MECOM: variants seen among roughly 807,000 people sequenced by gnomAD.
MECOM encodes MDS1 and EVI1 complex locus.
A neutral mutation model predicts 116.3 loss-of-function variants in MECOM; 13 were observed. That is an observed-to-expected ratio of 0.11 (90% CI 0.07 to 0.18). The LOEUF (loss-of-function observed/expected upper bound fraction) is 0.18. Ranked by LOEUF, MECOM falls within the 10% of genes least tolerant of loss-of-function variation. The pLI is 1.00. For synonymous variants in MECOM, 528 were observed against 535.2 expected, an observed-to-expected ratio of 0.99 and a Z score of 0.19; for missense variants, 1,299 against 1,509.0, an observed-to-expected ratio of 0.86 and a Z score of 2.31.
At chr3:169,496,721 G>A (rs1011075314) in intron 1 of MECOM, among the ~76,000 whole-genome samples, 17 of 152,144 alleles carry the variant, frequency 1.1e-4, no homozygotes, top group Non-Finnish European at 2.2e-4. Context: ...GCATTTCCAC[G>A]TCTTAGTTCA....
chr3:169,483,679 C>T (rs1366027106), intron 1 of MECOM: 12 of 1,553,848 alleles, frequency 7.7e-6, no homozygotes, highest in Non-Finnish European at 1.1e-5. Flanking sequence ...ATTTAATCCT[C>T]GTCTTCCTCC....
intron 1 of MECOM, among the ~76,000 whole-genome samples, chr3:169,441,142 C>T (rs1743591855): frequency 6.6e-6 from 1 of 152,144 alleles, no homozygotes; most frequent in Non-Finnish European, 1.5e-5. Flanking sequence ...CCCAAGCTGG[C>T]TGATGTGACA....
chr3:169,338,733 C>A (rs1724000983), intron 2 of MECOM, among the ~76,000 whole-genome samples: 1 of 151,842 alleles, frequency 6.6e-6, no homozygotes, highest in African/African-American at 2.4e-5. Flanking sequence ...ACAAGAATTT[C>A]ATTCTGCTGT....
intron 2 of MECOM, among the ~76,000 whole-genome samples, chr3:169,158,974 C>T (rs1358676995): frequency 6.6e-6 from 1 of 152,140 alleles, no homozygotes; most frequent in African/African-American, 2.4e-5. Context: ...GGAAGAAGTG[C>T]CAGTCATCTG....
At chr3:169,555,758 T>A (rs985681917) in intron 1 of MECOM, among the ~76,000 whole-genome samples, 22 of 152,204 alleles carry the variant, frequency 1.4e-4, no homozygotes, top group African/African-American at 5.1e-4. Context: ...TGGCCCTACT[T>A]CCTGGGCTCC....
intron 2 of MECOM, chr3:169,145,092 C>T (rs1378060097): frequency 2.0e-6 from 3 of 1,483,578 alleles, no homozygotes; most frequent in South Asian, 1.3e-5. Context: ...GGCAATAAGT[C>T]GTCCCAAAAT....
chr3:169,190,066 T>C (rs760971689), intron 2 of MECOM, among the ~76,000 whole-genome samples: 5 of 151,940 alleles, frequency 3.3e-5, no homozygotes, highest in Non-Finnish European at 5.9e-5. Flanking sequence ...ATAATATAAA[T>C]CATAAAAGAG....
chr3:169,355,289 T>C (rs1560168592), intron 2 of MECOM, among the ~76,000 whole-genome samples: 1 of 152,000 alleles, frequency 6.6e-6, no homozygotes, highest in Non-Finnish European at 1.5e-5. Flanking sequence ...CTTTTCATTT[T>C]GCAAAATCAC....
intron 1 of MECOM, among the ~76,000 whole-genome samples, chr3:169,608,750 T>C (rs905146658): frequency 1.2e-4 from 19 of 152,330 alleles, no homozygotes; most frequent in African/African-American, 4.6e-4. Flanking sequence ...AATGCAAGCT[T>C]TTCTTACTCA....
chr3:169,180,794 G>GATATATATATATATATATAT lies in MECOM; in HGVS notation c.376-36982_376-36963dup, dbSNP rs10576266. ...TATGTATGTGTGTGTGTGTGGAGAT[G>GATATATATATATATATATAT]ATATATATATATATATATATCAGGC... On this transcript the variant is annotated intron_variant, in intron 2 of 16. Transcript: ENST00000651503. Among the ~76,000 whole-genome samples the GATATATATATATATATATAT allele has an allele frequency of 9.8e-3, 1,060 of 108,604 alleles. 55 individuals are homozygous for GATATATATATATATATATAT. The highest frequency in any genetic ancestry group is 0.033 in the Admixed American group (352 of 10,524). The allele number at this position is 108,604 out of a possible 152,430, so 71.2% of individuals were successfully genotyped here. A position where few individuals can be genotyped will look rare whatever the true frequency, so the allele number is the denominator to read the frequency against.
At chr3:169,096,659 A>T (rs1721598359) in intron 12 of MECOM, among the ~76,000 whole-genome samples, 1 of 152,052 alleles carries the variant, frequency 6.6e-6, no homozygotes, top group African/African-American at 2.4e-5. Context: ...TTCTCCTCCC[A>T]CTTCTGAATG....
At chr3:169,533,576 A>ATTTTTTTTTTTTTTTTTTT (rs57279349) in intron 1 of MECOM, among the ~76,000 whole-genome samples, 2 of 85,092 alleles carry the variant, frequency 2.4e-5, no homozygotes, top group Non-Finnish European at 4.9e-5. Flanking sequence ...CCCAGTGCTG[A>ATTTTTTTTTTTTTTTTTTT]TTTTTTTTTT....
chr3:169,539,675 T>C (rs1759828089), intron 1 of MECOM, among the ~76,000 whole-genome samples: 1 of 152,186 alleles, frequency 6.6e-6, no homozygotes, highest in Non-Finnish European at 1.5e-5. Flanking sequence ...TCCCAGCTGA[T>C]CCCTCAAGAT....
At chr3:169,237,906 T>A (rs1415073152) in intron 2 of MECOM, among the ~76,000 whole-genome samples, 1 of 152,034 alleles carries the variant, frequency 6.6e-6, no homozygotes, top group African/African-American at 2.4e-5. Flanking sequence ...TGCAGGCAGG[T>A]TGGCTCACAC....
chr3:169,649,409 C>CAAAAAAAAAAA (rs71634436), intron 1 of MECOM, among the ~76,000 whole-genome samples: 64 of 74,292 alleles, frequency 8.6e-4, no homozygotes, highest in Middle Eastern at 0.022. Flanking sequence ...AACTCCATCT[C>CAAAAAAAAAAA]AAAAAAAAAA....
chr3:169,393,922 A>G (rs1734620024), intron 1 of MECOM, among the ~76,000 whole-genome samples: 1 of 152,154 alleles, frequency 6.6e-6, no homozygotes, highest in African/African-American at 2.4e-5. Context: ...ACTTAAATAT[A>G]TTGTGGATAA....
intron 2 of MECOM, among the ~76,000 whole-genome samples, chr3:169,216,891 GCCA>G (rs1751489726): frequency 7.3e-6 from 1 of 137,628 alleles, no homozygotes; most frequent in South Asian, 2.4e-4. Context: ...TATCGCCGTG[GCCA>G]CCATTTACAC....
At chr3:169,357,432 T>G (rs1450753424) in intron 2 of MECOM, among the ~76,000 whole-genome samples, 3 of 151,800 alleles carry the variant, frequency 2.0e-5, no homozygotes, top group African/African-American at 7.2e-5. Context: ...GGACATTAAG[T>G]TAAAACTAGA....
chr3:169,449,276 C>T (rs1745159828), intron 1 of MECOM, among the ~76,000 whole-genome samples: 1 of 152,134 alleles, frequency 6.6e-6, no homozygotes, highest in African/African-American at 2.4e-5. Flanking sequence ...TTGCTGATTG[C>T]TCATTTACCC....
Sources: gnomAD v4.1 joint callset for allele counts (sites outside exome capture counted in the v4.1 genomes callset) on GRCh38, gnomAD v4.1.1 for gene constraint, MANE v1.5 for transcripts, NCBI Gene and HGNC (gene_info 2026-07-23, HGNC 2026-07-21) for gene names.